Variants in PCDHGA6 observed in about 807,000 individuals in gnomAD.
The protein encoded by PCDHGA6 is protocadherin gamma subfamily A, 6.
PCDHGA6 carries 41 observed loss-of-function variants against 60.6 expected under a neutral mutation model. The observed-to-expected ratio is 0.68, with a 90% CI of 0.53 to 0.88. The LOEUF is 0.88. Ranked by LOEUF, PCDHGA6 falls within the 40% of genes least tolerant of loss-of-function variation. The pLI is 0.00. For missense variants in PCDHGA6, 1,312 were observed against 1,203.0 expected (o/e 1.09, Z -1.34); for synonymous variants, 594 against 524.4 (o/e 1.13, Z -1.81).
intron 1 of PCDHGA6, chr5:141,427,206 G>C (rs1224325038): frequency 1.1e-5 from 5 of 456,606 alleles, no homozygotes; most frequent in Admixed American, 2.3e-5. Context: ...AATAGACTTC[G>C]AATTTCGTAG....
Position 141,394,702 on chromosome 5 carries a change from G to A in PCDHGA6, c.2424+18195G>A, listed in dbSNP as rs1246576971. On this transcript the variant is annotated intron_variant, in intron 1 of 3. Coordinates refer to ENST00000517434, the MANE Select transcript of PCDHGA6 (RefSeq NM_018919.3). Reference sequence around the variant, plus strand: ...CACACGGGCGAGGTGCGCACGGCGCGAGCCCTGCTGGACAGAGATGCGCTC... The same window carrying A: ...CACACGGGCGAGGTGCGCACGGCGCAAGCCCTGCTGGACAGAGATGCGCTC... 1.9e-5 allele frequency: 31 copies of A among 1,613,178 alleles called. No homozygotes were observed. Among genetic ancestry groups the A allele is most frequent in the Non-Finnish European group, 2.5e-5 (29 of 1,179,882 alleles).
At chr5:141,389,903 C>T in intron 1 of PCDHGA6, 1 of 1,614,092 alleles carries the variant, frequency 6.2e-7, no homozygotes, top group Non-Finnish European at 8.5e-7. Context: ...TGCCGGATAT[C>T]ACTGACCGCC....
rs763001349 is a variant in PCDHGA6 at position 141,398,988 on chromosome 5, C to A, written c.2424+22481C>A. 1.9e-6 allele frequency: 3 copies of A among 1,613,832 alleles called. No homozygotes were observed. The African/African-American group carries it at 4.0e-5, about 22-fold the overall frequency. On this transcript the variant is annotated intron_variant, in intron 1 of 3. Coordinates refer to ENST00000517434, the MANE Select transcript of PCDHGA6 (RefSeq NM_018919.3). Reference sequence around the variant, plus strand: ...ATTCCTTCTACAGAACCGGGCAAATCTTTAGTCTGAATTCAAAGAGCGGAG... The same window carrying A: ...ATTCCTTCTACAGAACCGGGCAAATATTTAGTCTGAATTCAAAGAGCGGAG...
At chr5:141,399,937 G>C in intron 1 of PCDHGA6, 1 of 1,612,360 alleles carries the variant, frequency 6.2e-7, no homozygotes, top group African/African-American at 1.3e-5. Flanking sequence ...GTCCTACCAC[G>C]TGCTGCAGGC....
rs375879976 is a variant in PCDHGA6 at position 141,376,437 on chromosome 5, A to G, written c.2354A>G (p.Tyr785Cys). 2.7e-4 allele frequency: 434 copies of G among 1,614,084 alleles called. No homozygotes were observed. The highest frequency in any genetic ancestry group is 3.3e-4 in the Non-Finnish European group (388 of 1,180,040). ...YADTLINQES[Y>C]EKSEPLLITQ... ...GACACGCTTATCAACCAGGAGAGCT[A>G]TGAGAAAAGCGAGCCTCTTCTGATA... Residue 785 changes from tyrosine (Y) to cysteine (C), a missense_variant, in exon 1 of 4, where the codon TAT becomes TGT. Coordinates refer to ENST00000517434, the MANE Select transcript of PCDHGA6 (RefSeq NM_018919.3).
intron 1 of PCDHGA6, chr5:141,422,796 T>C: frequency 6.2e-7 from 1 of 1,614,234 alleles, no homozygotes; most frequent in Middle Eastern, 1.6e-4. Flanking sequence ...CCTTCGACTA[T>C]GAGCAGTTTC....
chr5:141,394,178 C>T (rs1180220826), intron 1 of PCDHGA6: 2 of 1,613,812 alleles, frequency 1.2e-6, no homozygotes, highest in South Asian at 2.2e-5. Flanking sequence ...TCCCTCATGC[C>T]TCCTACTCAG....
At chr5:141,438,591 CATAT>C (rs946798767) in intron 1 of PCDHGA6, among the ~76,000 whole-genome samples, 213 of 75,464 alleles carry the variant, frequency 2.8e-3, no homozygotes, top group African/African-American at 5.5e-3. Flanking sequence ...TACATACATA[CATAT>C]ATATATATAT....
intron 1 of PCDHGA6, chr5:141,384,681 G>A (rs1373910602): frequency 6.2e-7 from 1 of 1,614,180 alleles, no homozygotes; most frequent in South Asian, 1.1e-5. Context: ...TGGTGGCGGT[G>A]GACAAAGATT....
intron 1 of PCDHGA6, among the ~76,000 whole-genome samples, chr5:141,454,657 C>T (rs554561906): frequency 5.1e-4 from 77 of 152,192 alleles, no homozygotes; most frequent in African/African-American, 1.7e-3. Flanking sequence ...CTGCCCACCT[C>T]GGCCTCCCAA....
intron 1 of PCDHGA6, chr5:141,427,865 G>T: frequency 6.4e-7 from 1 of 1,558,148 alleles, no homozygotes; most frequent in Non-Finnish European, 8.8e-7. Context: ...GCGCCTTCGA[G>T]CTCACGATGC....
chr5:141,492,320 G>A (rs1001784912), intron 1 of PCDHGA6, among the ~76,000 whole-genome samples: 1 of 152,206 alleles, frequency 6.6e-6, no homozygotes. Flanking sequence ...CTCCTCGCAC[G>A]TGGGCTTACG....
chr5:141,419,741 A>C (rs769795920), intron 1 of PCDHGA6: 2 of 1,613,856 alleles, frequency 1.2e-6, no homozygotes, highest in Admixed American at 1.7e-5. Context: ...CGAGGTGCGC[A>C]TGGTGCGTGC....
rs376209053 is a variant in PCDHGA6, at chr5:141,410,666, T to A, written c.2424+34159T>A. On this transcript the variant is annotated intron_variant, in intron 1 of 3. Transcript: ENST00000517434. ...TGTGATTTATCTAATAGTCTACTAG[T>A]TTCTCATATTTTAGGCATACTACTT... is the stretch of plus-strand genomic sequence containing the variant. 2.6e-6 allele frequency: 4 copies of A among 1,565,890 alleles called. No homozygotes were observed. In the African/African-American group the frequency reaches 5.5e-5, roughly 21 times the overall value.
chr5:141,501,290 T>C lies in PCDHGA6; in HGVS notation c.2484-4103T>C, dbSNP rs796726601. Among the ~76,000 whole-genome samples, 19 of 136,248 alleles carry C rather than the reference T, an allele frequency of 1.4e-4. No individual in the cohort carries two copies. The South Asian group carries it at 2.4e-3, about 17-fold the overall frequency. 89.4% of individuals were successfully genotyped at this position (136,248 alleles called of 152,430 possible). ...GTCCAGTCTATGGGATATTCCCTTA[T>C]ACACACACACACACACACACACACA... On this transcript the variant is annotated intron_variant, in intron 2 of 3. Coordinates refer to ENST00000517434, the MANE Select transcript of PCDHGA6 (RefSeq NM_018919.3).
At chr5:141,382,318 T>A (rs1233432296) in intron 1 of PCDHGA6, among the ~76,000 whole-genome samples, 1 of 152,250 alleles carries the variant, frequency 6.6e-6, no homozygotes, top group African/African-American at 2.4e-5. Context: ...TACACTGATG[T>A]AAATATTTTC....
At chr5:141,385,033 C>A in intron 1 of PCDHGA6, 1 of 1,614,182 alleles carries the variant, frequency 6.2e-7, no homozygotes, top group South Asian at 1.1e-5. Flanking sequence ...CCTCGTACTG[C>A]TGGCGCTCAG....
At chr5:141,415,208 A>C in intron 1 of PCDHGA6, 3 of 1,614,024 alleles carry the variant, frequency 1.9e-6, no homozygotes, top group Non-Finnish European at 2.5e-6. Context: ...GTCCTGGCGG[A>C]CCTCGGCAGC....
intron 1 of PCDHGA6, chr5:141,393,556 G>A (rs758148175): frequency 5.6e-6 from 9 of 1,613,916 alleles, no homozygotes; most frequent in East Asian, 2.2e-5. Flanking sequence ...CCGATTTACC[G>A]AGTGAAAGTC....
Sources: allele counts gnomAD v4.1 joint callset (sites outside exome capture counted in the v4.1 genomes callset), GRCh38; gene constraint gnomAD v4.1.1; transcripts MANE v1.5; gene names NCBI Gene and HGNC (gene_info 2026-07-23, HGNC 2026-07-21).